AFF2: variants seen among roughly 807,000 people sequenced by gnomAD.
AFF2 encodes the protein ALF transcription elongation factor 2.
In AFF2, 14 loss-of-function variants were observed where a neutral mutation model predicts 76.9. The observed-to-expected ratio is 0.18, with a 90% CI of 0.12 to 0.28. AFF2 has a LOEUF of 0.28. Ranked by LOEUF, AFF2 falls within the 10% of genes least tolerant of loss-of-function variation. The pLI, the probability that AFF2 is intolerant of heterozygous loss-of-function variation, is 1.00. For synonymous variants in AFF2, 398 were observed against 366.7 expected, an observed-to-expected ratio of 1.09 and a Z score of -0.98; for missense variants, 868 against 1,001.1, an observed-to-expected ratio of 0.87 and a Z score of 1.79.
At chrX:148,878,662 T>C (rs895996853) in intron 7 of AFF2, among the ~76,000 whole-genome samples, 2 of 111,586 alleles carry the variant, frequency 1.8e-5, no homozygotes, top group African/African-American at 3.3e-5. Context: ...ATACTTGAAA[T>C]TTTTTTTAAA....
At chrX:148,706,546 C>A (rs782750769) in intron 3 of AFF2, among the ~76,000 whole-genome samples, 6 of 112,605 alleles carry the variant, frequency 5.3e-5, no homozygotes, top group African/African-American at 1.9e-4. Context: ...GTCCCAGATA[C>A]ATTTAAGTAC....
At chrX:148,786,767 C>T (rs2069826561) in intron 3 of AFF2, among the ~76,000 whole-genome samples, 1 of 111,683 alleles carries the variant, frequency 9.0e-6, no homozygotes, top group Admixed American at 9.5e-5. Context: ...CAAACAATCA[C>T]CATCAACAAT....
At chrX:148,932,260 T>G (rs1228961927) in intron 9 of AFF2, among the ~76,000 whole-genome samples, 1 of 112,454 alleles carries the variant, frequency 8.9e-6, no homozygotes, top group Non-Finnish European at 1.9e-5. Context: ...TGAGAATTTC[T>G]CAGATTGGAA....
At chrX:148,722,806 A>G (rs920166168) in intron 3 of AFF2, among the ~76,000 whole-genome samples, 4 of 110,977 alleles carry the variant, frequency 3.6e-5, no homozygotes, top group African/African-American at 6.6e-5. Context: ...TAGCATCTCA[A>G]CTGCCCCAAT....
intron 15 of AFF2, among the ~76,000 whole-genome samples, chrX:148,971,747 C>CTTTTTTTTTTTTTTTTTTATT (rs2072257160): frequency 1.1e-4 from 5 of 44,725 alleles, no homozygotes; most frequent in East Asian, 1.7e-3. Flanking sequence ...TTTTCTATTT[C>CTTTTTTTTTTTTTTTTTTATT]TTTTTTTTTT....
chrX:148,757,314 G>T (rs2069385374), intron 3 of AFF2, among the ~76,000 whole-genome samples: 1 of 111,589 alleles, frequency 9.0e-6, no homozygotes, highest in African/African-American at 3.3e-5. Flanking sequence ...TGTAGTATTT[G>T]GTCTTTCGCG....
chrX:148,567,055 C>G (rs781859972), intron 1 of AFF2, among the ~76,000 whole-genome samples: 1 of 112,022 alleles, frequency 8.9e-6, no homozygotes, highest in South Asian at 3.7e-4. Flanking sequence ...TCCACCTTAC[C>G]TGCGGTGCTT....
At chrX:148,729,365 A>G (rs1264004023) in intron 3 of AFF2, among the ~76,000 whole-genome samples, 1 of 112,174 alleles carries the variant, frequency 8.9e-6, no homozygotes, top group Non-Finnish European at 1.9e-5. Context: ...CATTCATTGA[A>G]GGAATAATAA....
chrX:148,637,231 C>T (rs2054041089), intron 1 of AFF2, among the ~76,000 whole-genome samples: 1 of 112,082 alleles, frequency 8.9e-6, no homozygotes, highest in South Asian at 3.7e-4. Context: ...CAGAGCTCAA[C>T]ACCTCACATA....
At chrX:148,943,562 C>T (rs376510959) in intron 9 of AFF2, among the ~76,000 whole-genome samples, 1 of 112,011 alleles carries the variant, frequency 8.9e-6, no homozygotes, top group South Asian at 3.7e-4. Context: ...GTTCCTTCTA[C>T]CTTCTAGTGT....
At position 148,966,812 on chromosome X, in the gene AFF2, C is replaced by T. The variant is rs146808155; in HGVS notation, c.2936C>T (p.Ala979Val). The stretch of plus-strand genomic sequence containing the variant: ...CAGGAGGGAGACACTCCAAAAAAGG[C>T]ATCCTCTGCCACCATCACTGTCACC... Reference protein sequence around the residue: ...SVNEGDTPKKASSATITVTNT... With the variant: ...SVNEGDTPKKVSSATITVTNT... Residue 979 changes from alanine to valine, a missense_variant, in exon 14 of 21, where the codon GCA becomes GTA. Ala to Val is a moderately conservative substitution (Grantham distance 64). This residue lies in a region of AFF2 where 532 missense variants were observed against 564.2 expected (regional missense o/e 0.94). Transcript: ENST00000370460. The T allele has an allele frequency of 1.7e-6, 2 of 1,208,515 alleles. No individual in the cohort carries two copies. Among genetic ancestry groups the T allele is most frequent in the Non-Finnish European group, 2.2e-6 (2 of 894,728 alleles).
rs1335322763 is a variant in AFF2 at position 148,953,810 on chromosome X, CACAG to C, written c.1557+75_1557+78del. The C allele has an allele frequency of 4.8e-4, 352 of 727,289 alleles. 3 individuals are homozygous for C. Among genetic ancestry groups the C allele is most frequent in the African/African-American group, 4.7e-3 (200 of 42,811 alleles). 59.9% of individuals were successfully genotyped at this position (727,289 alleles called of 1,213,427 possible). A position where few individuals can be genotyped will look rare whatever the true frequency, so the allele number is the denominator to read the frequency against. ...AGGCAGCACCCTCAACACACACACA[CACAG>C]ACACACACACACACACACACACTTT... On this transcript the variant is annotated intron_variant, in intron 10 of 20. Coordinates refer to ENST00000370460, the MANE Select transcript of AFF2 (RefSeq NM_002025.4).
intron 8 of AFF2, among the ~76,000 whole-genome samples, chrX:148,901,576 G>C (rs937472947): frequency 1.8e-5 from 2 of 112,020 alleles, no homozygotes; most frequent in African/African-American, 6.5e-5. Context: ...CTTTTGCAGT[G>C]TGTCTCACAT....
intron 16 of AFF2, among the ~76,000 whole-genome samples, chrX:148,975,760 C>T (rs1217068504): frequency 1.7e-4 from 18 of 103,226 alleles, no homozygotes; most frequent in African/African-American, 4.5e-4. Context: ...CCAGCTAAAA[C>T]GGTGAAACCC....
At position 148,541,705 on chromosome X, in the gene AFF2, C is replaced by T. The variant is rs6641434; in HGVS notation, c.47+40561C>T. 8.1e-5 allele frequency among the ~76,000 whole-genome samples: 9 copies of T among 111,007 alleles called. No homozygotes were observed. In the East Asian group the frequency reaches 2.3e-3, roughly 28 times the overall value. On this transcript the variant is annotated intron_variant, in intron 1 of 20. Transcript: ENST00000370460. ...CATATTATTAACATTATGGCAGTGT[C>T]TGTGCTCATTGCTGGACCACATCAG...
At chrX:148,904,514 T>C (rs1201616775) in intron 9 of AFF2, 6 of 306,559 alleles carry the variant, frequency 2.0e-5, no homozygotes. Flanking sequence ...CATGAATAGC[T>C]GCCAAATACG....
chrX:148,515,995 A>G (rs1328210173), intron 1 of AFF2, among the ~76,000 whole-genome samples: 1 of 111,914 alleles, frequency 8.9e-6, no homozygotes, highest in Non-Finnish European at 1.9e-5. Context: ...GGTCAGAACA[A>G]ATTCCATTGT....
chrX:148,955,909 T>C lies in AFF2; in HGVS notation c.1864T>C (p.Ser622Pro). ...GTTGTCAACAACTAGTGAGACAGTGTCTCAAAGGACAATTGGGAAAAAACA... is the reference window on the plus strand; with the variant it reads ...GTTGTCAACAACTAGTGAGACAGTGCCTCAAAGGACAATTGGGAAAAAACA... ...HKLSTTSETV[S>P]QRTIGKKQPK... is the part of the protein sequence containing the mutation. The change falls in exon 11 of 21, where the codon TCT becomes CCT. Residue 622 changes from serine to proline, a missense_variant. Ser to Pro is a moderately conservative substitution (Grantham distance 74). Coordinates refer to ENST00000370460, the MANE Select transcript of AFF2 (RefSeq NM_002025.4). 8.3e-7 allele frequency: 1 copy of C among 1,210,971 alleles called. No homozygotes were observed. Among genetic ancestry groups the C allele is most frequent in the Non-Finnish European group, 1.1e-6 (1 of 895,313 alleles).
chrX:148,801,877 T>C (rs188424728), intron 3 of AFF2, among the ~76,000 whole-genome samples: 1 of 111,649 alleles, frequency 9.0e-6, no homozygotes, highest in East Asian at 2.8e-4. Flanking sequence ...CACTCTCTCC[T>C]CAATACACAA....
Sources: allele counts gnomAD v4.1 joint callset (sites outside exome capture counted in the v4.1 genomes callset), GRCh38; gene constraint gnomAD v4.1.1; regional missense constraint gnomAD v4.1.1; transcripts MANE v1.5; gene names NCBI Gene and HGNC (gene_info 2026-07-23, HGNC 2026-07-21).